The following CLIP4 variants were observed in gnomAD, a reference collection of about 807,000 sequenced individuals.
CLIP4 encodes CAP-Gly domain containing linker protein family member 4, also known as CAP-Gly domain-containing linker protein 4.
In CLIP4, 47 loss-of-function variants were observed where a neutral mutation model predicts 73.1. The observed-to-expected ratio is 0.64, with a 90% CI of 0.51 to 0.82. The LOEUF is 0.82. Among genes scored for constraint, CLIP4 ranks in the 40% least tolerant of loss-of-function variants. The pLI is 0.00. For synonymous variants in CLIP4, 306 were observed against 295.4 expected (o/e 1.04, Z -0.37); for missense variants, 874 against 852.9 (o/e 1.02, Z -0.31).
chr2:29,105,677 T>C (rs886898810), intron 1 of CLIP4, among the ~76,000 whole-genome samples: 1 of 152,320 alleles, frequency 6.6e-6, no homozygotes, highest in African/African-American at 2.4e-5. Flanking sequence ...CCCCAAATCA[T>C]GTTGAAACCT....
intron 2 of CLIP4, chr2:29,130,525 T>C (rs900089523): frequency 3.5e-6 from 2 of 565,318 alleles, no homozygotes; most frequent in Admixed American, 1.0e-4. Context: ...AGTAGGTGTT[T>C]TGGAGAATAG....
intron 1 of CLIP4, among the ~76,000 whole-genome samples, chr2:29,108,236 T>C (rs528133436): frequency 1.2e-4 from 19 of 152,314 alleles, no homozygotes; most frequent in African/African-American, 4.6e-4. Context: ...AATGATGAAA[T>C]ATAACAATTA....
At chr2:29,158,056 A>C (rs116686919) in intron 11 of CLIP4, among the ~76,000 whole-genome samples, 2,735 of 152,320 alleles carry the variant, frequency 0.018, 38 homozygotes, top group Middle Eastern at 0.037. Flanking sequence ...AAAATACTTG[A>C]TGGGAAGAAA....
chr2:29,152,219 G>A (rs1239156405), intron 8 of CLIP4, among the ~76,000 whole-genome samples: 4 of 152,172 alleles, frequency 2.6e-5, no homozygotes. Flanking sequence ...CAAAGGAGTT[G>A]TAAGTTGGCA....
At chr2:29,129,641 T>C (rs774889763) in intron 2 of CLIP4, among the ~76,000 whole-genome samples, 5 of 152,080 alleles carry the variant, frequency 3.3e-5, no homozygotes, top group Non-Finnish European at 7.4e-5. Context: ...ATTTTTTTTT[T>C]ATTTGAGTGC....
At chr2:29,159,168 G>A (rs541732292) in intron 11 of CLIP4, among the ~76,000 whole-genome samples, 4 of 152,284 alleles carry the variant, frequency 2.6e-5, no homozygotes, top group East Asian at 1.9e-4. Context: ...TATGATGAGG[G>A]CCTCGGACTT....
intron 1 of CLIP4, among the ~76,000 whole-genome samples, chr2:29,107,115 TCTAC>T (rs972888570): frequency 6.6e-6 from 1 of 152,142 alleles, no homozygotes; most frequent in Non-Finnish European, 1.5e-5. Flanking sequence ...CAAGCTGCTT[TCTAC>T]CTACTCTGTG....
At chr2:29,112,653 T>G (rs1668411309), upstream of CLIP4, among the ~76,000 whole-genome samples, 1 of 152,268 alleles carries the variant, frequency 6.6e-6, no homozygotes, top group South Asian at 2.1e-4. Flanking sequence ...TTGGGCTTTT[T>G]ATGCTGATGA....
At position 29,145,172 on chromosome 2, in the gene CLIP4, G is replaced by C. The variant is rs1326087808; in HGVS notation, c.886-60G>C. On this transcript the variant is annotated intron_variant, in intron 7 of 15. Coordinates refer to ENST00000320081, the MANE Select transcript of CLIP4 (RefSeq NM_024692.6). ...CCCATGGTGAAGTAAAGTTGCAAGA[G>C]TAGGACCCTTGGAATTACTAATAAT... The C allele has an allele frequency of 2.7e-6, 4 of 1,485,848 alleles. No homozygotes were observed. In the East Asian group the frequency reaches 9.2e-5, roughly 34 times the overall value. The allele number at this position is 1,485,848 out of a possible 1,614,324, so 92.0% of individuals were successfully genotyped here. A position where few individuals can be genotyped will look rare whatever the true frequency, so the allele number is the denominator to read the frequency against.
In CLIP4 at chr2:29,166,859, T is replaced by A. The variant is rs550827898; in HGVS notation, c.1659-617T>A. On this transcript the variant is annotated intron_variant, in intron 13 of 15. Transcript: ENST00000320081. ...AATAAGATATGCTGGAGGAAGTGAT[T>A]GACAAATGAAGGCTTTCCAGATTTA... 2.0e-5 allele frequency among the ~76,000 whole-genome samples: 3 copies of A among 152,282 alleles called. No homozygotes were observed. The East Asian group carries it at 5.8e-4, about 29-fold the overall frequency.
rs771923022 is a variant in CLIP4 at position 29,181,865 on chromosome 2, G to A, written c.2090G>A (p.Gly697Glu). The change falls in exon 16 of 16, where the codon GGG (glycine) becomes GAG (glutamate). Residue 697 changes from glycine to glutamate, a missense_variant. Physicochemically the swap from Gly to Glu is moderately conservative, Grantham distance 98. Transcript: ENST00000320081. ...PSRVTYRGIN[G>E]SKLVDENC is the part of the protein sequence containing the mutation. ...AGAGTGACCTATCGGGGAATTAATG[G>A]GTCAAAACTTGTGGATGAGAATTGT... 1.2e-6 allele frequency: 2 copies of A among 1,609,238 alleles called. No homozygotes were observed. The highest frequency in any genetic ancestry group is 1.7e-5 in the Admixed American group (1 of 59,582).
intron 13 of CLIP4, among the ~76,000 whole-genome samples, chr2:29,166,538 C>CAG (rs1667631565): frequency 6.7e-6 from 1 of 149,248 alleles, no homozygotes; most frequent in South Asian, 2.1e-4. Context: ...CAGACACACA[C>CAG]ACACACACAC....
intron 11 of CLIP4, 78 bp from the exon 12 acceptor site, chr2:29,160,255 T>C: frequency 6.3e-7 from 1 of 1,593,106 alleles, no homozygotes; most frequent in Non-Finnish European, 8.6e-7. Context: ...TTGGCTAATG[T>C]GCTTTTTGAG....
chr2:29,136,091 T>C (rs1054648254), intron 6 of CLIP4, among the ~76,000 whole-genome samples: 1 of 152,132 alleles, frequency 6.6e-6, no homozygotes, highest in African/African-American at 2.4e-5. Flanking sequence ...AAATGAAATG[T>C]TTAAAGGAAA....
intron 14 of CLIP4, among the ~76,000 whole-genome samples, chr2:29,173,820 C>T (rs926352085): frequency 2.6e-5 from 4 of 152,090 alleles, no homozygotes; most frequent in Non-Finnish European, 4.4e-5. Flanking sequence ...CAATCAAAAG[C>T]TCTGAAGTTA....
chr2:29,177,298 A>G (rs1254591066), intron 15 of CLIP4, among the ~76,000 whole-genome samples: 1 of 151,684 alleles, frequency 6.6e-6, no homozygotes, highest in Non-Finnish European at 1.5e-5. Context: ...AGTCCCAGCT[A>G]CTCAGGAGGC....
At chr2:29,146,023 G>A (rs559575988) in intron 8 of CLIP4, among the ~76,000 whole-genome samples, 35 of 152,346 alleles carry the variant, frequency 2.3e-4, no homozygotes, top group African/African-American at 8.4e-4. Context: ...GTTTAGGAGG[G>A]TGTCTGGTAG....
chr2:29,116,212 C>T (rs1405317948), intron 1 of CLIP4, among the ~76,000 whole-genome samples: 4 of 152,212 alleles, frequency 2.6e-5, no homozygotes, highest in African/African-American at 7.2e-5. Flanking sequence ...GAAAGGAGCG[C>T]TGGAGCTGAG....
chr2:29,139,100 C>T (rs1187156207), intron 6 of CLIP4, among the ~76,000 whole-genome samples: 4 of 152,026 alleles, frequency 2.6e-5, no homozygotes, highest in African/African-American at 9.7e-5. Context: ...AGGAATGTTT[C>T]CAACTTGCCC....
Sources: gnomAD v4.1 joint callset for allele counts (sites outside exome capture counted in the v4.1 genomes callset) on GRCh38, gnomAD v4.1.1 for gene constraint, MANE v1.5 for transcripts, NCBI Gene and HGNC (gene_info 2026-07-23, HGNC 2026-07-21) for gene names.